Variants in PPFIA4 observed in about 807,000 individuals in gnomAD.
The protein encoded by PPFIA4 is liprin-alpha-4.
Under a neutral mutation model 145.7 loss-of-function variants are expected in PPFIA4, and 98 were observed. The observed-to-expected ratio is 0.67, with a 90% CI of 0.57 to 0.80. The LOEUF is 0.80. Ranked by LOEUF, PPFIA4 falls within the 30% of genes least tolerant of loss-of-function variation. PPFIA4 has a pLI of 0.00. For synonymous variants in PPFIA4, 628 were observed against 649.6 expected (o/e 0.97, Z 0.51); for missense variants, 1,457 against 1,632.7 (o/e 0.89, Z 1.85).
Position 203,048,812 on chromosome 1 carries a change from G to C in PPFIA4, c.1356+98G>C. 6.5e-7 allele frequency: 1 copy of C among 1,532,498 alleles called. No individual in the cohort carries two copies. The highest frequency in any genetic ancestry group is 1.4e-5 in the African/African-American group (1 of 73,244). The allele number at this position is 1,532,498 out of a possible 1,614,324, so 94.9% of individuals were successfully genotyped here. The stretch of plus-strand genomic sequence containing the variant: ...TGGGCGCAGGCGGGGTCTCAATGGG[G>C]TGGGTGGCCAGCCTGGAGAGGTGGG... On this transcript the variant is annotated intron_variant, in intron 11 of 29. Coordinates refer to ENST00000295706, the MANE Select transcript of PPFIA4 (RefSeq NM_001304331.2). This position sits in a 1 kb window ranked among gnomAD's most constrained non-coding sequence, Gnocchi z 5.8.
At chr1:203,029,123 C>A (rs778122747) in intron 1 of PPFIA4, among the ~76,000 whole-genome samples, 1 of 152,136 alleles carries the variant, frequency 6.6e-6, no homozygotes, top group African/African-American at 2.4e-5. Context: ...GCAGGAGACT[C>A]CAGGGCTGGT....
Position 203,045,260 on chromosome 1 carries a change from C to A in PPFIA4, c.667-108C>A, listed in dbSNP as rs575076562. Reference sequence around the variant, plus strand: ...GAGTGCTGTGATGTTGGGGGCAGAGCCTTGACCTGCTCTGGGTGTGCTGTT... The same window carrying A: ...GAGTGCTGTGATGTTGGGGGCAGAGACTTGACCTGCTCTGGGTGTGCTGTT... On this transcript the variant is annotated intron_variant, in intron 6 of 29. Transcript: ENST00000295706. The A allele has an allele frequency of 3.0e-6, 3 of 1,015,116 alleles. No individual in the cohort carries two copies. In the South Asian group the frequency reaches 5.1e-5, roughly 17 times the overall value. 62.9% of individuals were successfully genotyped at this position (1,015,116 alleles called of 1,614,324 possible). A position where few individuals can be genotyped will look rare whatever the true frequency, so the allele number is the denominator to read the frequency against.
At chr1:203,035,607 G>T in intron 1 of PPFIA4, 1 of 456,844 alleles carries the variant, frequency 2.2e-6, no homozygotes, top group South Asian at 1.5e-5. Flanking sequence ...GCTTGCTTTG[G>T]GGACTGGCAG....
chr1:203,031,932 G>T (rs1658859587), intron 1 of PPFIA4, among the ~76,000 whole-genome samples: 1 of 152,070 alleles, frequency 6.6e-6, no homozygotes, highest in Admixed American at 6.6e-5. Context: ...GTAACTATAT[G>T]ATCTCTATTA....
At chr1:203,050,872 TGCTTG>T (rs1214107106) in intron 13 of PPFIA4, among the ~76,000 whole-genome samples, 1 of 148,872 alleles carries the variant, frequency 6.7e-6, no homozygotes, top group Non-Finnish European at 1.5e-5. Flanking sequence ...CATTTGCCAC[TGCTTG>T]GCTTTTTTTT....
chr1:203,046,383 G>A lies in PPFIA4; in HGVS notation c.1140+1G>A, dbSNP rs1215347044. The A allele has an allele frequency of 1.3e-6, 2 of 1,584,840 alleles. No homozygotes were observed. The highest frequency in any genetic ancestry group is 1.3e-5 in the African/African-American group (1 of 74,386). On this transcript the variant is annotated splice_donor_variant, in intron 9 of 29. Coordinates refer to ENST00000295706, the MANE Select transcript of PPFIA4 (RefSeq NM_001304331.2). LOFTEE classifies it high-confidence loss of function. ...CCAGAGAATTGCAGCCCTCACCAAG[G>A]CAAGTGGGCCAGGGGCCTGGGATCT...
Position 203,060,113 on chromosome 1 carries a change from A to G in PPFIA4, c.2584-104A>G. 1 of 1,088,844 alleles carries G rather than the reference A, an allele frequency of 9.2e-7. No homozygotes were observed. Among genetic ancestry groups the G allele is most frequent in the Non-Finnish European group, 1.3e-6 (1 of 742,294 alleles). The allele number at this position is 1,088,844 out of a possible 1,614,324, so 67.4% of individuals were successfully genotyped here. ...CACATTCCTATGATCTGTATTTGCT[A>G]TTCGAGTCCGTGGATGAGGCCTGGC... On this transcript the variant is annotated intron_variant, in intron 21 of 29. Coordinates refer to ENST00000295706, the MANE Select transcript of PPFIA4 (RefSeq NM_001304331.2). The surrounding 1 kb of genome is among the most constrained non-coding windows in gnomAD (Gnocchi z 4.8).
chr1:203,044,083 C>A lies in PPFIA4; in HGVS notation c.489C>A (p.Ala163=). Residue 163 remains alanine (A), a synonymous_variant, in exon 4 of 30, where the codon GCC becomes GCA. Coordinates refer to ENST00000295706, the MANE Select transcript of PPFIA4 (RefSeq NM_001304331.2). The part of the protein sequence containing the change: ...ALKSLFEHHK[A]LDEKVRERLR... Reference sequence around the variant, plus strand: ...AGTCACTGTTTGAGCACCACAAGGCCCTGGATGAGAAGGTGCCCACCTGCC... The same window carrying A: ...AGTCACTGTTTGAGCACCACAAGGCACTGGATGAGAAGGTGCCCACCTGCC... The A allele has an allele frequency of 6.3e-7, 1 of 1,592,704 alleles. No individual in the cohort carries two copies. Among genetic ancestry groups the A allele is most frequent in the Non-Finnish European group, 8.6e-7 (1 of 1,168,846 alleles).
Position 203,052,057 on chromosome 1 carries a change from G to T in PPFIA4, c.1620+180G>T, listed in dbSNP as rs867428823. On this transcript the variant is annotated intron_variant, in intron 14 of 29. Transcript: ENST00000295706. ...CTGCAACAGCTGTGCCCCCCCCCCCGCTTGCCTTGGCCTCCTGGTGGGCAA... is the reference window on the plus strand; with the variant it reads ...CTGCAACAGCTGTGCCCCCCCCCCCTCTTGCCTTGGCCTCCTGGTGGGCAA... Among the ~76,000 whole-genome samples the T allele has an allele frequency of 9.1e-4, 58 of 63,606 alleles. 1 individual carries two copies. Among genetic ancestry groups the T allele is most frequent in the Non-Finnish European group, 1.7e-3 (49 of 28,270 alleles). 41.7% of individuals were successfully genotyped at this position (63,606 alleles called of 152,430 possible).
At chr1:203,054,124 G>A (rs1347632344) in intron 15 of PPFIA4, 163 bp downstream of exon 15, 1 of 816,266 alleles carries the variant, frequency 1.2e-6, no homozygotes, top group East Asian at 2.6e-5. Context: ...CAGTGCCGGA[G>A]TGAGAGGAGC....
chr1:203,045,271 T>C, intron 6 of PPFIA4, 97 bp from the exon 7 acceptor site: 1 of 1,115,182 alleles, frequency 9.0e-7, no homozygotes, highest in Non-Finnish European at 1.3e-6. Context: ...CTTGACCTGC[T>C]CTGGGTGTGC....
chr1:203,057,000 A>G, intron 19 of PPFIA4, 50 bp downstream of exon 19: 1 of 1,605,380 alleles, frequency 6.2e-7, no homozygotes. Context: ...GGGGCATCAG[A>G]AGCAGGAAGG....
chr1:203,057,315 C>T (rs887948058), intron 19 of PPFIA4, among the ~76,000 whole-genome samples: 1 of 152,190 alleles, frequency 6.6e-6, no homozygotes, highest in African/African-American at 2.4e-5. Flanking sequence ...TTGGTTGTTT[C>T]TTTAGAAGAG....
At chr1:203,056,320 T>G (rs1185403881) in intron 17 of PPFIA4, 55 bp from the exon 18 acceptor site, 1 of 1,603,636 alleles carries the variant, frequency 6.2e-7, no homozygotes, top group African/African-American at 1.3e-5. Context: ...CTGGGCTGGG[T>G]AGGCAGGCCC....
chr1:203,049,311 G>A (rs1490158456), intron 12 of PPFIA4, among the ~76,000 whole-genome samples: 4 of 152,192 alleles, frequency 2.6e-5, no homozygotes, highest in Admixed American at 6.5e-5. Flanking sequence ...ATTTGCCTCC[G>A]TCCTGGCCTC....
intron 16 of PPFIA4, 86 bp from the exon 17 acceptor site, chr1:203,056,034 C>T (rs1660917345): frequency 1.5e-6 from 2 of 1,374,424 alleles, no homozygotes; most frequent in Non-Finnish European, 2.0e-6. Context: ...CCTATCTTCT[C>T]ATCCTAAGAC....
chr1:203,043,909 C>A lies in PPFIA4; in HGVS notation c.337-22C>A, dbSNP rs1222317178. ...ACATGCTTACAGCCCTCCCTCTCAC[C>A]CTCCCCTGCTCTCCCTGCCAGCTGC... On this transcript the variant is annotated intron_variant, in intron 3 of 29. Coordinates refer to ENST00000295706, the MANE Select transcript of PPFIA4 (RefSeq NM_001304331.2). The surrounding 1 kb of genome is among the most constrained non-coding windows in gnomAD (Gnocchi z 4.4). The A allele has an allele frequency of 6.3e-7, 1 of 1,577,458 alleles. No homozygotes were observed. The highest frequency in any genetic ancestry group is 1.8e-5 in the Admixed American group (1 of 56,932).
Position 203,059,222 on chromosome 1 carries a change from C to T in PPFIA4, c.2452C>T (p.Pro818Ser), listed in dbSNP as rs764892662. 6.4e-7 allele frequency: 1 copy of T among 1,557,648 alleles called. No homozygotes were observed. Among genetic ancestry groups the T allele is most frequent in the Non-Finnish European group, 8.7e-7 (1 of 1,143,710 alleles). The change falls in exon 20 of 30, where the codon CCT becomes TCT. Residue 818 changes from proline (P) to serine (S), a missense_variant. Transcript: ENST00000295706. ...ATTCAGTATGCAGGAGCCTATGGTG[C>T]CTGCCAAGCTGGGGACCCAGGCAGA... ...SEFSMQEPMV[P>S]AKLGTQAEKD...
rs1477897557 is a variant in PPFIA4, at chr1:203,068,463, C to G, written c.3159C>G (p.Val1053=). Residue 1053 remains valine (V), a synonymous_variant, in exon 27 of 30, where the codon GTC becomes GTG. Coordinates refer to ENST00000295706, the MANE Select transcript of PPFIA4 (RefSeq NM_001304331.2). This position sits in a 1 kb window ranked among gnomAD's most constrained non-coding sequence, Gnocchi z 4.7. ...TCCCCCACACTCCAGATGTGTTAGT[C>G]TGGACCAACGACCAGGTGGTTCATT... ...ESQHEIKDVL[V]WTNDQVVHWV... The G allele has an allele frequency of 6.2e-7, 1 of 1,605,462 alleles. No individual in the cohort carries two copies. The highest frequency in any genetic ancestry group is 8.5e-7 in the Non-Finnish European group (1 of 1,176,048).
Sources: gnomAD v4.1 joint callset for allele counts (sites outside exome capture counted in the v4.1 genomes callset) on GRCh38, gnomAD v4.1.1 for gene constraint, Gnocchi (gnomAD v3.1) non-coding constraint, MANE v1.5 for transcripts, NCBI Gene and HGNC (gene_info 2026-07-23, HGNC 2026-07-21) for gene names.